The following OARD1 variants were observed in gnomAD, a reference collection of about 807,000 sequenced individuals.
The protein encoded by OARD1 is O-acyl-ADP-ribose deacylase 1.
A neutral mutation model predicts 19.7 loss-of-function variants in OARD1; 19 were observed. The ratio of observed to expected loss-of-function variants is 0.96; its 90% CI spans 0.67 to 1.41. The LOEUF (loss-of-function observed/expected upper bound fraction) is 1.41, where lower values mean the gene tolerates loss of function less well. Among genes scored for constraint, OARD1 ranks in the 40% most tolerant of loss-of-function variants. The pLI, the probability that OARD1 is intolerant of heterozygous loss-of-function variation, is 0.00. For synonymous variants in OARD1, 70 were observed against 61.8 expected, an observed-to-expected ratio of 1.13 and a Z score of -0.62; for missense variants, 190 against 183.8, an observed-to-expected ratio of 1.03 and a Z score of -0.20.
At chr6:41,078,090 G>A (rs566115623) in intron 1 of OARD1, among the ~76,000 whole-genome samples, 2 of 152,202 alleles carry the variant, frequency 1.3e-5, no homozygotes, top group South Asian at 4.1e-4. Flanking sequence ...CTGCCAGTTA[G>A]GGTCTATTAA....
upstream of OARD1, among the ~76,000 whole-genome samples, chr6:41,076,068 A>C (rs955283543): frequency 2.0e-5 from 3 of 152,142 alleles, no homozygotes; most frequent in Non-Finnish European, 4.4e-5. Context: ...TGAGTTGTGA[A>C]AGAAATTGAG....
At chr6:41,090,361 C>T (rs774176521) in intron 1 of OARD1, 5 of 1,098,016 alleles carry the variant, frequency 4.6e-6, no homozygotes, top group Non-Finnish European at 7.0e-6. Context: ...CTTTTTTGTC[C>T]CTTAGACAAC....
chr6:41,084,272 T>C (rs1763983385), intron 1 of OARD1: 1 of 1,483,440 alleles, frequency 6.7e-7, no homozygotes, highest in Non-Finnish European at 9.1e-7. Flanking sequence ...TATTTGATAA[T>C]TGATATTGCA....
At chr6:41,094,317 A>C in intron 1 of OARD1, 3 of 1,223,492 alleles carry the variant, frequency 2.5e-6, no homozygotes, top group Non-Finnish European at 3.6e-6. Context: ...TAAACTTTGG[A>C]GAATGGAATT....
intron 1 of OARD1, chr6:41,084,008 T>C: frequency 6.4e-7 from 1 of 1,553,492 alleles, no homozygotes; most frequent in Non-Finnish European, 8.7e-7. Context: ...ATTTTGTGTC[T>C]TATGTTATTT....
At chr6:41,072,486 C>A (rs1396430051), upstream of OARD1, 2 of 152,302 alleles carry the variant, frequency 1.3e-5, no homozygotes, top group Non-Finnish European at 1.5e-5. Context: ...CCGCCCCCGC[C>A]CGGTAGCGGG....
At chr6:41,091,777 C>A in intron 1 of OARD1, 1 of 1,489,154 alleles carries the variant, frequency 6.7e-7, no homozygotes. Context: ...ATTATGTTGA[C>A]CTCTTGGGAT....
At chr6:41,085,122 T>C (rs1764009433) in intron 1 of OARD1, among the ~76,000 whole-genome samples, 1 of 152,222 alleles carries the variant, frequency 6.6e-6, no homozygotes, top group Non-Finnish European at 1.5e-5. Context: ...TTAATCATTA[T>C]TTTTGGTAAT....
At chr6:41,091,812 C>T (rs1277741252) in intron 1 of OARD1, 21 of 1,084,992 alleles carry the variant, frequency 1.9e-5, no homozygotes, top group African/African-American at 4.8e-5. Flanking sequence ...AAGGCACTGT[C>T]GGTAATCTAC....
chr6:41,071,837 A>G, intron 1 of OARD1, 162 bp from the exon 2 acceptor site: 1 of 552,434 alleles, frequency 1.8e-6, no homozygotes, highest in Non-Finnish European at 3.2e-6. Flanking sequence ...TCTGGGGCAA[A>G]GAGGAAGAAC....
intron 1 of OARD1, among the ~76,000 whole-genome samples, chr6:41,092,441 G>T (rs1242459986): frequency 6.6e-6 from 1 of 152,230 alleles, no homozygotes; most frequent in Non-Finnish European, 1.5e-5. Context: ...GGAAAGAGCT[G>T]TGGGGTACAG....
Position 41,071,257 on chromosome 6 carries a change from T to C in OARD1, c.59A>G (p.Asp20Gly). ...GTCTGTTTTCGGGCATGCAAAAAGG[T>C]CTCCTTTCACATAAGTGATCTAAAA... Reference protein sequence around the residue: ...EGSRITYVKGDLFACPKTDSL... With the variant: ...EGSRITYVKGGLFACPKTDSL... The change falls in exon 3 of 6, where the codon GAC (aspartate) becomes GGC (glycine). Residue 20 changes from aspartate to glycine, a missense_variant. Transcript: ENST00000424266. 1.9e-6 allele frequency: 3 copies of C among 1,614,032 alleles called. No homozygotes were observed. The highest frequency in any genetic ancestry group is 1.1e-5 in the South Asian group (1 of 91,056).
chr6:41,071,724 TA>T, intron 1 of OARD1, 49 bp from the exon 2 acceptor site: 1 of 1,074,484 alleles, frequency 9.3e-7, no homozygotes, highest in South Asian at 1.3e-5. Flanking sequence ...CCTTAGTATA[TA>T]ATATTCTGAT....
chr6:41,093,018 G>A (rs747719395), intron 1 of OARD1: 6 of 1,614,014 alleles, frequency 3.7e-6, no homozygotes, highest in East Asian at 2.2e-5. Context: ...CAATACCACC[G>A]TATTCTTAAG....
intron 1 of OARD1, among the ~76,000 whole-genome samples, chr6:41,088,687 T>C (rs1015844458): frequency 2.6e-5 from 4 of 151,590 alleles, no homozygotes; most frequent in Non-Finnish European, 4.4e-5. Context: ...CAGGCTCAAA[T>C]GATCCTCCCA....
intron 1 of OARD1, chr6:41,080,915 T>C: frequency 6.2e-7 from 1 of 1,603,182 alleles, no homozygotes; most frequent in Non-Finnish European, 8.5e-7. Flanking sequence ...CCTCTCTGAT[T>C]CTCTGTGAGC....
intron 1 of OARD1, chr6:41,081,014 T>C (rs1186494603): frequency 2.7e-6 from 2 of 728,840 alleles, no homozygotes; most frequent in Non-Finnish European, 4.7e-6. Context: ...ATGTCTTTGA[T>C]GCTGCTAACT....
At chr6:41,068,588 C>T (rs1448870931) in intron 5 of OARD1, among the ~76,000 whole-genome samples, 1 of 152,238 alleles carries the variant, frequency 6.6e-6, no homozygotes, top group East Asian at 1.9e-4. Context: ...ACAATGGTCG[C>T]TCTCTGCTAA....
At chr6:41,081,652 C>T (rs1259272290) in intron 1 of OARD1, among the ~76,000 whole-genome samples, 2 of 152,318 alleles carry the variant, frequency 1.3e-5, no homozygotes, top group East Asian at 3.9e-4. Flanking sequence ...AGGGGCAACT[C>T]AACTGAAAAA....
Sources: allele counts gnomAD v4.1 joint callset (sites outside exome capture counted in the v4.1 genomes callset), GRCh38; gene constraint gnomAD v4.1.1; transcripts MANE v1.5; gene names NCBI Gene and HGNC (gene_info 2026-07-23, HGNC 2026-07-21).